MYO9A: variants seen among roughly 807,000 people sequenced by gnomAD.
MYO9A encodes myosin IXA.
MYO9A carries 103 observed loss-of-function variants against 293.3 expected under a neutral mutation model. The ratio of observed to expected loss-of-function variants is 0.35; its 90% confidence interval spans 0.30 to 0.41. The LOEUF (loss-of-function observed/expected upper bound fraction) is 0.41. MYO9A is among the 10% of genes least tolerant of loss of function. The pLI, the probability that MYO9A is intolerant of heterozygous loss-of-function variation, is 1.00. For synonymous variants in MYO9A, 1,001 were observed against 1,035.7 expected (o/e 0.97, Z 0.64); for missense variants, 2,685 against 3,033.0 (o/e 0.89, Z 2.69).
At chr15:71,974,469 G>A (rs1235909076) in intron 12 of MYO9A, among the ~76,000 whole-genome samples, 5 of 152,160 alleles carry the variant, frequency 3.3e-5, no homozygotes, top group Non-Finnish European at 7.4e-5. Context: ...TCCCAAGGGA[G>A]GAGTACACTG....
In MYO9A at chr15:72,046,008, T is replaced by C. The variant is rs1167846930; in HGVS notation, c.556A>G (p.Ile186Val). The C allele has an allele frequency of 1.2e-6, 2 of 1,613,996 alleles. No individual in the cohort carries two copies. The highest frequency in any genetic ancestry group is 4.5e-5 in the East Asian group (2 of 44,896). Residue 186 changes from isoleucine to valine, a missense_variant, in exon 2 of 42, where the codon ATT (isoleucine) becomes GTT (valine). This residue lies in a region of MYO9A where 289 missense variants were observed against 456.8 expected (regional missense o/e 0.63). Coordinates refer to ENST00000356056, the MANE Select transcript of MYO9A (RefSeq NM_006901.4). ...ATAGGAAGAAACTTGAATGGGTTAATAACTATTAGAATACTGCCAACATAG... is the reference window on the plus strand; with the variant it reads ...ATAGGAAGAAACTTGAATGGGTTAACAACTATTAGAATACTGCCAACATAG... ...YTYVGSILIV[I>V]NPFKFLPIYN...
At chr15:71,910,168 G>GTATATATATATATATATATA (rs377474158) in intron 19 of MYO9A, among the ~76,000 whole-genome samples, 23 of 128,290 alleles carry the variant, frequency 1.8e-4, no homozygotes, top group African/African-American at 5.5e-4. Context: ...ATATATACGT[G>GTATATATATATATATATATA]TATATATATA....
intron 27 of MYO9A, among the ~76,000 whole-genome samples, chr15:71,884,709 T>C (rs1041709940): frequency 1.3e-5 from 2 of 152,106 alleles, no homozygotes; most frequent in African/African-American, 4.8e-5. Context: ...AACCTCATAG[T>C]TGGAGGTTTA....
intron 32 of MYO9A, among the ~76,000 whole-genome samples, chr15:71,873,401 CATGTT>C (rs1401105010): frequency 6.6e-6 from 1 of 152,086 alleles, no homozygotes; most frequent in Non-Finnish European, 1.5e-5. Flanking sequence ...TGCATGTCAG[CATGTT>C]ACTGTGAAAA....
chr15:71,906,758 C>CTTTTTTTTTTTTTTCTTTTTT (rs2057659301), intron 19 of MYO9A, among the ~76,000 whole-genome samples: 1 of 61,012 alleles, frequency 1.6e-5, no homozygotes, highest in African/African-American at 6.4e-5. Context: ...CCATTTCTTT[C>CTTTTTTTTTTTTTTCTTTTTT]TTTTTTTTTT....
At chr15:72,104,312 TA>T (rs577936882) in intron 1 of MYO9A, among the ~76,000 whole-genome samples, 230 of 152,338 alleles carry the variant, frequency 1.5e-3, no homozygotes, top group African/African-American at 5.3e-3. Flanking sequence ...TTAGGTGTAA[TA>T]AATGCATTTT....
intron 15 of MYO9A, among the ~76,000 whole-genome samples, chr15:71,948,925 A>G (rs2058986132): frequency 8.2e-6 from 1 of 122,392 alleles, no homozygotes; most frequent in African/African-American, 2.9e-5. Flanking sequence ...CTGCAAATAC[A>G]GAAATTCTGG....
intron 1 of MYO9A, among the ~76,000 whole-genome samples, chr15:72,077,310 G>A (rs987117519): frequency 6.6e-6 from 1 of 152,090 alleles, no homozygotes; most frequent in African/African-American, 2.4e-5. Context: ...TCTGCAAAAG[G>A]CACCGTTAAG....
intron 39 of MYO9A, among the ~76,000 whole-genome samples, chr15:71,842,245 T>C (rs1407398193): frequency 1.3e-5 from 2 of 151,878 alleles, no homozygotes; most frequent in African/African-American, 2.4e-5. Context: ...GGCGTGGTAG[T>C]GCACACCTGT....
At chr15:71,889,072 T>C (rs932301340) in intron 26 of MYO9A, among the ~76,000 whole-genome samples, 1 of 152,118 alleles carries the variant, frequency 6.6e-6, no homozygotes, top group Non-Finnish European at 1.5e-5. Context: ...AGACTCTAAG[T>C]GGAACACATG....
At chr15:71,938,418 G>A (rs900037810) in intron 16 of MYO9A, among the ~76,000 whole-genome samples, 3 of 151,976 alleles carry the variant, frequency 2.0e-5, no homozygotes, top group Admixed American at 6.6e-5. Flanking sequence ...ATTCATCATT[G>A]AAAATAGTAA....
chr15:71,897,380 A>G (rs1264447966), intron 25 of MYO9A, 81 bp downstream of exon 25: 8 of 1,405,110 alleles, frequency 5.7e-6, no homozygotes, highest in Non-Finnish European at 7.7e-6. Flanking sequence ...CTTTACACAA[A>G]TAGTTGGAGC....
intron 6 of MYO9A, among the ~76,000 whole-genome samples, chr15:72,014,740 AGAAAGAAAG>A (rs957993690): frequency 6.6e-6 from 1 of 151,370 alleles, no homozygotes; most frequent in Non-Finnish European, 1.5e-5. Context: ...AGAGAGAGAG[AGAAAGAAAG>A]GAAAGAAAGA....
rs1222182387 is a variant in MYO9A, at chr15:71,913,201, CTA to C, written c.2685+3167_2685+3168del. 4.6e-5 allele frequency among the ~76,000 whole-genome samples: 7 copies of C among 152,248 alleles called. No individual in the cohort carries two copies. In the East Asian group the frequency reaches 1.4e-3, roughly 29 times the overall value. Reference sequence around the variant, plus strand: ...GTTGCTTTCTCTGGGCTTTAATAAACTATGACTTCAAATGTACTACTTCTGAA... The same window carrying C: ...GTTGCTTTCTCTGGGCTTTAATAAACTGACTTCAAATGTACTACTTCTGAA... On this transcript the variant is annotated intron_variant, in intron 19 of 41. Coordinates refer to ENST00000356056, the MANE Select transcript of MYO9A (RefSeq NM_006901.4).
intron 1 of MYO9A, among the ~76,000 whole-genome samples, chr15:72,116,391 C>T (rs1156668392): frequency 6.6e-6 from 1 of 152,120 alleles, no homozygotes; most frequent in Non-Finnish European, 1.5e-5. Flanking sequence ...ACATTTCTTT[C>T]TTGACAACTC....
At chr15:71,942,877 A>G (rs1412972921) in intron 15 of MYO9A, among the ~76,000 whole-genome samples, 2 of 152,016 alleles carry the variant, frequency 1.3e-5, no homozygotes, top group Admixed American at 1.3e-4. Flanking sequence ...TTAAATATCA[A>G]AACTTTCTAG....
At chr15:71,873,120 T>C (rs534887675) in intron 32 of MYO9A, among the ~76,000 whole-genome samples, 1 of 152,130 alleles carries the variant, frequency 6.6e-6, no homozygotes, top group East Asian at 1.9e-4. Flanking sequence ...TTTCGCCATG[T>C]TGGCCAGGCT....
At chr15:71,852,339 C>A in intron 35 of MYO9A, 79 bp from the exon 36 acceptor site, 185 of 1,012,648 alleles carry the variant, frequency 1.8e-4, no homozygotes, top group Non-Finnish European at 2.4e-4. Context: ...AAACTATCAT[C>A]ATTAAAGGAA....
At chr15:72,000,275 G>A (rs923188245) in intron 8 of MYO9A, among the ~76,000 whole-genome samples, 1 of 152,202 alleles carries the variant, frequency 6.6e-6, no homozygotes. Context: ...GGACTAAAAA[G>A]TGACAGCACT....
Sources: gnomAD v4.1 joint callset for allele counts (sites outside exome capture counted in the v4.1 genomes callset) on GRCh38, gnomAD v4.1.1 for gene constraint, gnomAD v4.1.1 regional missense constraint, MANE v1.5 for transcripts, NCBI Gene and HGNC (gene_info 2026-07-23, HGNC 2026-07-21) for gene names.